Variants in SLC44A5 observed in about 807,000 individuals in gnomAD.
SLC44A5 encodes choline transporter-like protein 5.
A neutral mutation model predicts 101.8 loss-of-function variants in SLC44A5; 57 were observed. That is an observed-to-expected ratio of 0.56 (90% CI 0.45 to 0.70). The LOEUF (loss-of-function observed/expected upper bound fraction) is 0.70, where lower values mean the gene tolerates loss of function less well. SLC44A5 is among the 30% of genes least tolerant of loss of function. SLC44A5 has a pLI of 0.00. For missense variants in SLC44A5, 737 were observed against 853.1 expected, an observed-to-expected ratio of 0.86 and a Z score of 1.70; for synonymous variants, 281 against 290.9, an observed-to-expected ratio of 0.97 and a Z score of 0.35.
At chr1:75,611,326 G>A (rs1335996837), upstream of SLC44A5, among the ~76,000 whole-genome samples, 1 of 152,086 alleles carries the variant, frequency 6.6e-6, no homozygotes, top group Non-Finnish European at 1.5e-5. Flanking sequence ...GTAGTTTGGA[G>A]GTGGAAGTAG....
At chr1:75,283,313 T>C (rs934084969) in intron 5 of SLC44A5, among the ~76,000 whole-genome samples, 14 of 152,180 alleles carry the variant, frequency 9.2e-5, no homozygotes, top group African/African-American at 3.4e-4. Flanking sequence ...GAATTGTCTA[T>C]TCATGTCCTT....
chr1:75,553,963 C>T lies in SLC44A5; in HGVS notation c.-69-12447G>A, dbSNP rs1282391207. 2.0e-5 allele frequency among the ~76,000 whole-genome samples: 3 copies of T among 152,034 alleles called. No individual in the cohort carries two copies. In the South Asian group the frequency reaches 6.2e-4, roughly 32 times the overall value. On this transcript the variant is annotated intron_variant, in intron 1 of 23. Coordinates refer to ENST00000370859, the MANE Select transcript of SLC44A5 (RefSeq NM_001130058.2). ...TGAAGCAGGGCACTGTCAGGTTGCTCCCCCATGAAACTGGGCGGCACTTTC... is the reference window on the plus strand; with the variant it reads ...TGAAGCAGGGCACTGTCAGGTTGCTTCCCCATGAAACTGGGCGGCACTTTC...
intron 5 of SLC44A5, among the ~76,000 whole-genome samples, chr1:75,284,810 T>C (rs1652904349): frequency 2.0e-5 from 3 of 152,170 alleles, no homozygotes; most frequent in Admixed American, 2.0e-4. Context: ...ATGTATCACA[T>C]TTATTGACTT....
At chr1:75,651,955 A>G in the SLC44A5 span, among the ~76,000 whole-genome samples, 1 of 152,108 alleles carries the variant, frequency 6.6e-6, no homozygotes, top group South Asian at 2.1e-4. Flanking sequence ...CAGACTCCCA[A>G]TAGATAGAAA....
chr1:75,476,817 G>C (rs1012816285), intron 2 of SLC44A5, among the ~76,000 whole-genome samples: 93 of 152,342 alleles, frequency 6.1e-4, no homozygotes, highest in Middle Eastern at 3.4e-3. Flanking sequence ...TCCACCTCTG[G>C]GGGCAGGGCA....
the SLC44A5 span, among the ~76,000 whole-genome samples, chr1:75,623,231 A>T: frequency 2.7e-5 from 4 of 149,430 alleles, no homozygotes; most frequent in African/African-American, 9.7e-5. Context: ...CAAAAAACAT[A>T]GTGCTATAGG....
intron 2 of SLC44A5, among the ~76,000 whole-genome samples, chr1:75,482,655 A>G (rs1292653584): frequency 6.6e-6 from 1 of 152,214 alleles, no homozygotes; most frequent in African/African-American, 2.4e-5. Flanking sequence ...TGAGTCTAAT[A>G]CAAATCTTCT....
Position 75,375,985 on chromosome 1 carries a change from G to A in SLC44A5, c.52+20598C>T, listed in dbSNP as rs576362730. Among the ~76,000 whole-genome samples, 16 of 152,304 alleles carry A rather than the reference G, an allele frequency of 1.1e-4. No individual in the cohort carries two copies. In the South Asian group the frequency reaches 1.7e-3, roughly 16 times the overall value. On this transcript the variant is annotated intron_variant, in intron 3 of 23. Coordinates refer to ENST00000370859, the MANE Select transcript of SLC44A5 (RefSeq NM_001130058.2). ...GCGCAGGTCAGTGGGTGTGTGCACCGTGTGCGAGCCGAAGCAGGGCGAGGC... is the reference window on the plus strand; with the variant it reads ...GCGCAGGTCAGTGGGTGTGTGCACCATGTGCGAGCCGAAGCAGGGCGAGGC...
At chr1:75,365,651 T>C (rs1659805471) in intron 3 of SLC44A5, among the ~76,000 whole-genome samples, 1 of 152,208 alleles carries the variant, frequency 6.6e-6, no homozygotes, top group African/African-American at 2.4e-5. Context: ...TGCCCATCAA[T>C]GATAGACTGG....
intron 3 of SLC44A5, among the ~76,000 whole-genome samples, chr1:75,376,089 A>C (rs1660573381): frequency 6.6e-6 from 1 of 152,184 alleles, no homozygotes. Flanking sequence ...CGCACCTGGA[A>C]AATTGGGTCA....
the SLC44A5 span, among the ~76,000 whole-genome samples, chr1:75,651,852 C>G: frequency 1.3e-5 from 2 of 152,058 alleles, no homozygotes; most frequent in Admixed American, 1.3e-4. Flanking sequence ...CACACGCACA[C>G]GTGGAACGTC....
chr1:75,359,245 T>G (rs1659311291), intron 3 of SLC44A5, among the ~76,000 whole-genome samples: 1 of 146,882 alleles, frequency 6.8e-6, no homozygotes. Flanking sequence ...TTTTTTTTTT[T>G]TTTTCTTGAG....
chr1:75,359,784 C>T (rs1357990100), intron 3 of SLC44A5, among the ~76,000 whole-genome samples: 3 of 152,128 alleles, frequency 2.0e-5, no homozygotes. Context: ...TTTACATTCT[C>T]ACCAACGGTG....
chr1:75,288,149 C>A (rs1216563922), intron 5 of SLC44A5, among the ~76,000 whole-genome samples: 2 of 152,116 alleles, frequency 1.3e-5, no homozygotes, highest in African/African-American at 4.8e-5. Flanking sequence ...CACCATCTTT[C>A]TTTTTTCAAA....
the SLC44A5 span, among the ~76,000 whole-genome samples, chr1:75,664,794 G>A: frequency 8.6e-5 from 13 of 151,722 alleles, no homozygotes; most frequent in African/African-American, 2.2e-4. Flanking sequence ...GGTGGTGGGC[G>A]CCTGTAGTCC....
intron 2 of SLC44A5, among the ~76,000 whole-genome samples, chr1:75,528,979 G>T (rs1557877040): frequency 6.6e-6 from 1 of 152,058 alleles, no homozygotes; most frequent in Non-Finnish European, 1.5e-5. Context: ...TATTATTATA[G>T]TTCATTGTAT....
At chr1:75,601,486 A>G (rs1674980442) in intron 1 of SLC44A5, among the ~76,000 whole-genome samples, 1 of 152,146 alleles carries the variant, frequency 6.6e-6, no homozygotes, top group South Asian at 2.1e-4. Flanking sequence ...CACCTATGCA[A>G]CAAACCTGCA....
At chr1:75,633,237 T>A in the SLC44A5 span, among the ~76,000 whole-genome samples, 5 of 152,180 alleles carry the variant, frequency 3.3e-5, no homozygotes, top group East Asian at 7.7e-4. Context: ...TTTAAAGTAG[T>A]TTTTTCCAAT....
At chr1:75,580,774 GT>G (rs1301030482) in intron 1 of SLC44A5, among the ~76,000 whole-genome samples, 1 of 150,846 alleles carries the variant, frequency 6.6e-6, no homozygotes, top group African/African-American at 2.4e-5. Context: ...GGAGGCAGAG[GT>G]CGCAGTGAGC....
Sources: gnomAD v4.1 joint callset for allele counts (sites outside exome capture counted in the v4.1 genomes callset) on GRCh38, gnomAD v4.1.1 for gene constraint, MANE v1.5 for transcripts, NCBI Gene and HGNC (gene_info 2026-07-23, HGNC 2026-07-21) for gene names.